Variants in FARP1 observed in about 807,000 individuals in gnomAD.
FARP1 encodes the protein FERM, ARHGEF and pleckstrin domain-containing protein 1.
Under a neutral mutation model 128.8 loss-of-function variants are expected in FARP1, and 52 were observed. The observed-to-expected ratio is 0.40, with a 90% confidence interval of 0.32 to 0.51. FARP1 has a LOEUF of 0.51. FARP1 is among the 20% of genes least tolerant of loss of function. The pLI, the probability that FARP1 is intolerant of heterozygous loss-of-function variation, is 0.45. For missense variants in FARP1, 1,333 were observed against 1,367.9 expected (o/e 0.97, Z 0.40); for synonymous variants, 580 against 551.8 (o/e 1.05, Z -0.72).
intron 2 of FARP1, among the ~76,000 whole-genome samples, chr13:98,237,712 GAA>G (rs1190326596): frequency 2.0e-5 from 3 of 152,180 alleles, no homozygotes; most frequent in African/African-American, 7.2e-5. Context: ...AGGAAGCAGA[GAA>G]AAGTCATGTC....
intron 2 of FARP1, among the ~76,000 whole-genome samples, chr13:98,271,276 C>T (rs956443795): frequency 6.6e-6 from 1 of 152,182 alleles, no homozygotes; most frequent in Non-Finnish European, 1.5e-5. Flanking sequence ...CATCTACAAA[C>T]CAGCACACGG....
At chr13:98,320,219 A>C (rs1886929653) in intron 2 of FARP1, among the ~76,000 whole-genome samples, 2 of 152,094 alleles carry the variant, frequency 1.3e-5, no homozygotes, top group African/African-American at 4.8e-5. Context: ...GGAGAGAGAA[A>C]ATTATTTTAT....
In FARP1 at chr13:98,440,700, A is replaced by G. The variant is rs758967753; in HGVS notation, c.2660A>G (p.Gln887Arg). The change falls in exon 24 of 27, where the codon CAG becomes CGG. Residue 887 changes from glutamine to arginine, a missense_variant. By Grantham distance (43) the Gln-to-Arg change is conservative. Around this residue, in one of 2 missense-constraint regions of FARP1, gnomAD observed 1,009 missense variants for 969.8 expected, o/e 1.04. Coordinates refer to ENST00000319562, the MANE Select transcript of FARP1 (RefSeq NM_005766.4). ...KSPDEATAAD[Q>R]ESEDDLSASR... is the part of the protein sequence containing the mutation. The stretch of plus-strand genomic sequence containing the variant: ...CCTGATGAAGCCACCGCGGCTGACC[A>G]GGAGTCAGAGGATGACCTGAGCGCC... The G allele has an allele frequency of 1.2e-6, 2 of 1,613,364 alleles. No individual in the cohort carries two copies. Among genetic ancestry groups the G allele is most frequent in the Admixed American group, 3.3e-5 (2 of 59,960 alleles).
chr13:98,167,673 G>C (rs1425607007), intron 1 of FARP1, among the ~76,000 whole-genome samples: 1 of 151,954 alleles, frequency 6.6e-6, no homozygotes, highest in Admixed American at 6.6e-5. Flanking sequence ...GCCTCCCAAA[G>C]TGCTAGGATT....
chr13:98,244,618 C>A, intron 2 of FARP1: 1 of 1,614,216 alleles, frequency 6.2e-7, no homozygotes, highest in Non-Finnish European at 8.5e-7. Context: ...AGAATTCTCA[C>A]TCATCTTACA....
chr13:98,204,411 G>GCCTCTCACCATTTCTACTCCTTTC (rs1555327413), intron 1 of FARP1, among the ~76,000 whole-genome samples: 3 of 152,128 alleles, frequency 2.0e-5, no homozygotes, highest in African/African-American at 7.2e-5. Context: ...AACTTACAGT[G>GCCTCTCACCATTTCTACTCCTTTC]CCTCTCACCA....
intron 6 of FARP1, chr13:98,383,582 A>G (rs1325661753): frequency 6.6e-6 from 1 of 152,228 alleles, no homozygotes; most frequent in African/African-American, 2.4e-5. Context: ...GGTGAGTTTC[A>G]TAGCAACAGT....
chr13:98,149,640 T>A (rs1203195747), intron 1 of FARP1, among the ~76,000 whole-genome samples: 1 of 52,320 alleles, frequency 1.9e-5, no homozygotes, highest in Non-Finnish European at 9.2e-5. Flanking sequence ...CTCACTGTGG[T>A]TTTGTTTTTC....
chr13:98,373,908 A>C (rs1057008839), intron 5 of FARP1, among the ~76,000 whole-genome samples: 4 of 152,208 alleles, frequency 2.6e-5, no homozygotes, highest in African/African-American at 9.7e-5. Flanking sequence ...ATACCCTTTC[A>C]TTATTATAAT....
chr13:98,412,987 G>A (rs1234513789), intron 16 of FARP1, among the ~76,000 whole-genome samples: 1 of 152,214 alleles, frequency 6.6e-6, no homozygotes, highest in South Asian at 2.1e-4. Context: ...TGTAGGGCCT[G>A]AAGGAGCCCT....
At chr13:98,399,338 A>G (rs1477767822) in intron 13 of FARP1, 1 of 152,206 alleles carries the variant, frequency 6.6e-6, no homozygotes, top group Middle Eastern at 3.2e-3. Flanking sequence ...TGGTCTCCTC[A>G]GTGTCACTGT....
At chr13:98,242,818 G>A (rs1480977658) in intron 2 of FARP1, among the ~76,000 whole-genome samples, 1 of 152,154 alleles carries the variant, frequency 6.6e-6, no homozygotes, top group East Asian at 1.9e-4. Context: ...ATATATTTTG[G>A]AAGAGAATAA....
chr13:98,230,494 T>C (rs1235909425), intron 2 of FARP1, among the ~76,000 whole-genome samples: 2 of 152,214 alleles, frequency 1.3e-5, no homozygotes, highest in Non-Finnish European at 2.9e-5. Context: ...AACCTTTGCA[T>C]TGTAAGCAAC....
At chr13:98,214,602 C>G (rs566837497) in intron 2 of FARP1, among the ~76,000 whole-genome samples, 1 of 152,254 alleles carries the variant, frequency 6.6e-6, no homozygotes, top group South Asian at 2.1e-4. Context: ...ATATTTATTT[C>G]AAAGAACATT....
intron 13 of FARP1, chr13:98,405,629 A>G (rs1413468118): frequency 1.3e-5 from 2 of 152,212 alleles, no homozygotes; most frequent in African/African-American, 4.8e-5. Context: ...AATAGGAAAA[A>G]TAATTTTGAA....
Position 98,446,425 on chromosome 13 carries a change from C to T in FARP1, c.2904+220C>T, listed in dbSNP as rs985921820. 1.5e-5 allele frequency: 9 copies of T among 602,166 alleles called. No homozygotes were observed. In the Admixed American group the frequency reaches 2.7e-4, roughly 18 times the overall value. 37.3% of individuals were successfully genotyped at this position (602,166 alleles called of 1,614,324 possible). A position where few individuals can be genotyped will look rare whatever the true frequency, so the allele number is the denominator to read the frequency against. On this transcript the variant is annotated intron_variant, in intron 25 of 26. Coordinates refer to ENST00000319562, the MANE Select transcript of FARP1 (RefSeq NM_005766.4). The stretch of plus-strand genomic sequence containing the variant: ...GGACAACTTCTGCCCTAGGAAGGGC[C>T]ACCTGTCTTCTGCCTGGACAAGGGA...
At chr13:98,143,093 T>C (rs1032954033), upstream of FARP1, 12 of 147,738 alleles carry the variant, frequency 8.1e-5, no homozygotes, top group African/African-American at 2.9e-4. Flanking sequence ...CGGTGGCCAC[T>C]GCACTTCCCG....
At chr13:98,348,484 C>T (rs1024546213) in intron 3 of FARP1, among the ~76,000 whole-genome samples, 1 of 152,220 alleles carries the variant, frequency 6.6e-6, no homozygotes, top group African/African-American at 2.4e-5. Context: ...AGGGGACTCC[C>T]TCGAAACGGA....
intron 2 of FARP1, chr13:98,329,950 G>C (rs547644119): frequency 1.1e-4 from 16 of 152,306 alleles, no homozygotes; most frequent in Middle Eastern, 3.4e-3. Flanking sequence ...GTATGTAAAA[G>C]TGAAAAATAA....
Sources: allele counts gnomAD v4.1 joint callset (sites outside exome capture counted in the v4.1 genomes callset), GRCh38; gene constraint gnomAD v4.1.1; regional missense constraint gnomAD v4.1.1; transcripts MANE v1.5; gene names NCBI Gene and HGNC (gene_info 2026-07-23, HGNC 2026-07-21).